UBXN7: variants seen among roughly 807,000 people sequenced by gnomAD.
The protein encoded by UBXN7 is UBX domain-containing protein 7.
In UBXN7, 9 loss-of-function variants were observed where a neutral mutation model predicts 58.0. The observed-to-expected ratio is 0.16, with a 90% confidence interval of 0.09 to 0.27. The LOEUF is 0.27. UBXN7 is among the 10% of genes least tolerant of loss of function. The probability of loss-of-function intolerance (pLI) is 1.00; values close to 1 mark genes in which losing one functional copy is unlikely to be tolerated. For synonymous variants in UBXN7, 208 were observed against 205.0 expected (o/e 1.01, Z -0.12); for missense variants, 328 against 599.6 (o/e 0.55, Z 4.73).
At chr3:196,407,483 A>G in intron 1 of UBXN7, 90 bp from the exon 2 acceptor site, 1 of 1,466,238 alleles carries the variant, frequency 6.8e-7, no homozygotes, top group Non-Finnish European at 9.0e-7. Flanking sequence ...TCCCAAGTAA[A>G]TTAATAGTAT....
rs148834627 is a variant in UBXN7 at position 196,382,513 on chromosome 3, G to A, written c.468+9300C>T. On this transcript the variant is annotated intron_variant, in intron 5 of 10. Transcript: ENST00000296328. ...GCACTAAACATGGAAAGAAACAACC[G>A]GTGCCAGCCACTGCAAAAACATGCC... Among the ~76,000 whole-genome samples, 1,188 of 152,234 alleles carry A rather than the reference G, an allele frequency of 7.8e-3. 18 individuals are homozygous for A. Among genetic ancestry groups the A allele is most frequent in the African/African-American group, 0.027 (1,123 of 41,526 alleles).
chr3:196,366,564 A>AAAATACAATACAATACAAT (rs1433650645), intron 8 of UBXN7, among the ~76,000 whole-genome samples: 1 of 152,076 alleles, frequency 6.6e-6, no homozygotes, highest in Non-Finnish European at 1.5e-5. Flanking sequence ...CACATCTCAA[A>AAAATACAATACAATACAAT]AAATACAATA....
intron 5 of UBXN7, among the ~76,000 whole-genome samples, chr3:196,379,286 T>C (rs1379730280): frequency 1.3e-5 from 2 of 152,034 alleles, no homozygotes. Flanking sequence ...CATGTTGGTT[T>C]TGGGGGATTT....
intron 8 of UBXN7, among the ~76,000 whole-genome samples, chr3:196,362,973 G>A (rs1194796183): frequency 2.0e-5 from 3 of 151,864 alleles, no homozygotes; most frequent in Non-Finnish European, 2.9e-5. Context: ...GCACGAACTC[G>A]GCTCACTGCA....
chr3:196,410,099 CG>C (rs1314682573), intron 1 of UBXN7, among the ~76,000 whole-genome samples: 1 of 152,030 alleles, frequency 6.6e-6, no homozygotes, highest in East Asian at 1.9e-4. Flanking sequence ...GCCACCACAC[CG>C]GGCTAATTTT....
In UBXN7 at chr3:196,355,335, T is replaced by C. The variant is rs199913580; in HGVS notation, c.*1350A>G. The C allele has an allele frequency of 1.1e-3, 160 of 152,230 alleles. 1 individual carries two copies. The highest frequency in any genetic ancestry group is 3.5e-3 in the African/African-American group (144 of 41,534). 9.4% of individuals were successfully genotyped at this position (152,230 alleles called of 1,614,324 possible). On this transcript the variant is annotated 3_prime_UTR_variant, in exon 11 of 11. Coordinates refer to ENST00000296328, the MANE Select transcript of UBXN7 (RefSeq NM_015562.2). ...AATACGAAATGAGCATAGGGTGAAG[T>C]TGATGTGTAAATGGTATTCTACAGA...
At chr3:196,399,404 T>C (rs772506981) in intron 3 of UBXN7, among the ~76,000 whole-genome samples, 1 of 152,012 alleles carries the variant, frequency 6.6e-6, no homozygotes, top group Non-Finnish European at 1.5e-5. Context: ...TCCCAAAGTG[T>C]TGAGATTACA....
chr3:196,394,871 T>C (rs1307472106), intron 3 of UBXN7, among the ~76,000 whole-genome samples: 1 of 152,162 alleles, frequency 6.6e-6, no homozygotes, highest in Non-Finnish European at 1.5e-5. Context: ...TACACAATGG[T>C]TTAATGACAG....
chr3:196,430,043 G>C (rs1055389305), intron 1 of UBXN7, among the ~76,000 whole-genome samples: 2 of 152,138 alleles, frequency 1.3e-5, no homozygotes, highest in African/African-American at 4.8e-5. Flanking sequence ...ATTAGCATAA[G>C]AAACTGAAAA....
rs1242109912 is a variant in UBXN7, at chr3:196,348,272, C to T, written c.*8413G>A. The T allele has an allele frequency of 6.6e-6, 1 of 152,122 alleles. No individual in the cohort carries two copies. The highest frequency in any genetic ancestry group is 2.4e-5 in the African/African-American group (1 of 41,378). The allele number at this position is 152,122 out of a possible 1,614,324, so 9.4% of individuals were successfully genotyped here. On this transcript the variant is annotated 3_prime_UTR_variant, in exon 11 of 11. Coordinates refer to ENST00000296328, the MANE Select transcript of UBXN7 (RefSeq NM_015562.2). ...AATTTAGTGGATGGTCCAGCTGCCC[C>T]TTGCTCAACAATCCCAAAGACTTCT...
rs1577454197 is a variant in UBXN7 at position 196,389,459 on chromosome 3, A to AC, written c.468+2353dup. Among the ~76,000 whole-genome samples the AC allele has an allele frequency of 3.3e-5, 5 of 152,344 alleles. No homozygotes were observed. In the East Asian group the frequency reaches 9.6e-4, roughly 29 times the overall value. ...AGGTTTTCTGATTCAGAAAATTGAA[A>AC]CTGGAGAGCACGCTGATATGGTTTG... On this transcript the variant is annotated intron_variant, in intron 5 of 10. Coordinates refer to ENST00000296328, the MANE Select transcript of UBXN7 (RefSeq NM_015562.2).
intron 3 of UBXN7, among the ~76,000 whole-genome samples, chr3:196,394,015 A>G (rs906104851): frequency 6.6e-6 from 1 of 152,188 alleles, no homozygotes; most frequent in Non-Finnish European, 1.5e-5. Flanking sequence ...TCGGCTGGGC[A>G]TGGTGGCTCA....
intron 1 of UBXN7, among the ~76,000 whole-genome samples, chr3:196,415,376 TCTC>T (rs1730449683): frequency 6.7e-6 from 1 of 149,654 alleles, no homozygotes; most frequent in Non-Finnish European, 1.5e-5. Context: ...ATGGTCTCGA[TCTC>T]CTGACCTTGT....
At chr3:196,432,264 C>G (rs754789367) in intron 1 of UBXN7, 63 bp downstream of exon 1, 6 of 1,596,274 alleles carry the variant, frequency 3.8e-6, no homozygotes, top group Non-Finnish European at 5.1e-6. Flanking sequence ...AGGGGAAGCC[C>G]GGGGCAGACC....
intron 5 of UBXN7, among the ~76,000 whole-genome samples, chr3:196,388,623 A>G (rs1440093785): frequency 6.6e-6 from 1 of 152,172 alleles, no homozygotes. Context: ...CATGAGCCAG[A>G]AAGAATCCTT....
intron 5 of UBXN7, among the ~76,000 whole-genome samples, chr3:196,380,855 C>G (rs950998856): frequency 6.6e-6 from 1 of 152,268 alleles, no homozygotes; most frequent in Non-Finnish European, 1.5e-5. Flanking sequence ...GCAGGTCCCA[C>G]GCCCATGGAG....
intron 5 of UBXN7, among the ~76,000 whole-genome samples, chr3:196,372,400 G>A (rs1728869911): frequency 6.8e-6 from 1 of 146,600 alleles, no homozygotes; most frequent in South Asian, 2.1e-4. Context: ...AGAGTACAGT[G>A]GGGCAGTCTC....
chr3:196,373,936 A>G (rs575505435), intron 5 of UBXN7, among the ~76,000 whole-genome samples: 1 of 152,334 alleles, frequency 6.6e-6, no homozygotes, highest in South Asian at 2.1e-4. Context: ...ATATCCTCAT[A>G]TTGAGCCAGG....
At chr3:196,430,691 A>G (rs1731002809) in intron 1 of UBXN7, among the ~76,000 whole-genome samples, 1 of 152,162 alleles carries the variant, frequency 6.6e-6, no homozygotes, top group Non-Finnish European at 1.5e-5. Flanking sequence ...GCCAGGCCCA[A>G]GTGGCATCAT....
Sources: allele counts gnomAD v4.1 joint callset (sites outside exome capture counted in the v4.1 genomes callset), GRCh38; gene constraint gnomAD v4.1.1; transcripts MANE v1.5; gene names NCBI Gene and HGNC (gene_info 2026-07-23, HGNC 2026-07-21).